KIAA1958: variants seen among roughly 807,000 people sequenced by gnomAD.
KIAA1958 encodes uncharacterized protein KIAA1958.
In KIAA1958, 14 loss-of-function variants were observed where a neutral mutation model predicts 47.2. That is an observed-to-expected ratio of 0.30 (90% CI 0.20 to 0.46). KIAA1958 has a LOEUF of 0.46. Among genes scored for constraint, KIAA1958 ranks in the 20% least tolerant of loss-of-function variants. KIAA1958 has a pLI of 1.00. For synonymous variants in KIAA1958, 354 were observed against 353.3 expected (o/e 1.00, Z -0.02); for missense variants, 803 against 909.2 (o/e 0.88, Z 1.50).
chr9:112,564,721 CT>C (rs925302231), intron 1 of KIAA1958, among the ~76,000 whole-genome samples: 3 of 152,072 alleles, frequency 2.0e-5, no homozygotes, highest in African/African-American at 7.2e-5. Context: ...TCAAAATGTA[CT>C]TACAAATTCA....
In KIAA1958 at chr9:112,645,764, A is replaced by T; in HGVS notation, c.1286A>T (p.Asn429Ile). 1.2e-6 allele frequency: 2 copies of T among 1,614,144 alleles called. No individual in the cohort carries two copies. The highest frequency in any genetic ancestry group is 1.7e-6 in the Non-Finnish European group (2 of 1,180,006). ...NTTKATRYALNVWRYWCMTNG... is the reference protein window; with the variant it reads ...NTTKATRYALIVWRYWCMTNG... ...ACCAAAGCCACGCGGTACGCCTTGAATGTGTGGCGTTATTGGTGCATGACC... is the reference window on the plus strand; with the variant it reads ...ACCAAAGCCACGCGGTACGCCTTGATTGTGTGGCGTTATTGGTGCATGACC... The change falls in exon 3 of 4, where the codon AAT becomes ATT. Residue 429 changes from asparagine to isoleucine, a missense_variant. Physicochemically the swap from Asn to Ile is moderately radical, Grantham distance 149. Transcript: ENST00000337530.
At chr9:112,503,689 T>C (rs554240635) in intron 1 of KIAA1958, among the ~76,000 whole-genome samples, 45 of 150,774 alleles carry the variant, frequency 3.0e-4, no homozygotes, top group African/African-American at 1.0e-3. Context: ...GAAAAAGAGT[T>C]GCAAGAGTTT....
intron 2 of KIAA1958, among the ~76,000 whole-genome samples, chr9:112,584,411 A>G (rs1835787694): frequency 6.6e-6 from 1 of 152,222 alleles, no homozygotes; most frequent in South Asian, 2.1e-4. Flanking sequence ...TAGATCATGA[A>G]GCATAAATAA....
intron 1 of KIAA1958, among the ~76,000 whole-genome samples, chr9:112,511,173 T>C (rs950241570): frequency 1.3e-5 from 2 of 152,128 alleles, no homozygotes; most frequent in African/African-American, 4.8e-5. Flanking sequence ...AGAGTAAATA[T>C]GGATTTGAGC....
Position 112,623,173 on chromosome 9 carries a change from C to G in KIAA1958, c.1172-22477C>G, listed in dbSNP as rs555123887. ...GCATTTCTGTACCATCCACTGTGTTCATGTAGGTGCACATATGCATCAGAG... is the reference window on the plus strand; with the variant it reads ...GCATTTCTGTACCATCCACTGTGTTGATGTAGGTGCACATATGCATCAGAG... On this transcript the variant is annotated intron_variant, in intron 2 of 3. Transcript: ENST00000337530. 2.6e-5 allele frequency among the ~76,000 whole-genome samples: 4 copies of G among 152,296 alleles called. No homozygotes were observed. In the East Asian group the frequency reaches 7.7e-4, roughly 29 times the overall value.
intron 1 of KIAA1958, among the ~76,000 whole-genome samples, chr9:112,529,481 G>A (rs1262092576): frequency 6.6e-6 from 1 of 152,126 alleles, no homozygotes. Flanking sequence ...TCTGAGCTGT[G>A]GCAGTTTTTC....
intron 2 of KIAA1958, among the ~76,000 whole-genome samples, chr9:112,626,366 C>G (rs1039550123): frequency 1.3e-5 from 2 of 152,008 alleles, no homozygotes; most frequent in Non-Finnish European, 2.9e-5. Flanking sequence ...TAAAAAGGTA[C>G]AGTGTGATTT....
chr9:112,569,340 T>C (rs904632329), intron 1 of KIAA1958, among the ~76,000 whole-genome samples: 5 of 152,230 alleles, frequency 3.3e-5, no homozygotes, highest in African/African-American at 1.2e-4. Flanking sequence ...GCAACACCAT[T>C]GCATTAAGTG....
rs1209660591 is a variant in KIAA1958, at chr9:112,618,839, C to T, written c.1172-26811C>T. On this transcript the variant is annotated intron_variant, in intron 2 of 3. Coordinates refer to ENST00000337530, the MANE Select transcript of KIAA1958 (RefSeq NM_133465.4). The surrounding 1 kb of genome is among the most constrained non-coding windows in gnomAD (Gnocchi z 7.1). ...TAACAATCTGAGCCAGCAGGCTGCC[C>T]AGTCAGTGGCCGGCCACTCCAACAA... is the stretch of plus-strand genomic sequence containing the variant. 1 of 1,550,494 alleles carries T rather than the reference C, an allele frequency of 6.4e-7. No homozygotes were observed. Among genetic ancestry groups the T allele is most frequent in the African/African-American group, 1.4e-5 (1 of 73,150 alleles).
At chr9:112,533,282 G>T (rs1262841760) in intron 1 of KIAA1958, among the ~76,000 whole-genome samples, 1 of 151,916 alleles carries the variant, frequency 6.6e-6, no homozygotes, top group Non-Finnish European at 1.5e-5. Flanking sequence ...AAGAAAAGAG[G>T]TTTGGCCAGG....
rs1837384597 is a variant in KIAA1958, at chr9:112,668,879, A to G, written c.*8810A>G. Reference sequence around the variant, plus strand: ...TAACAAAAGTCTGTTCAATTTAACTACTTAGATAAGAAGCGCAATGCTTTT... The same window carrying G: ...TAACAAAAGTCTGTTCAATTTAACTGCTTAGATAAGAAGCGCAATGCTTTT... On this transcript the variant is annotated 3_prime_UTR_variant, in exon 4 of 4. Transcript: ENST00000337530. 6.6e-6 allele frequency: 1 copy of G among 152,206 alleles called. No homozygotes were observed. Among genetic ancestry groups the G allele is most frequent in the South Asian group, 2.1e-4 (1 of 4,826 alleles). 9.4% of individuals were successfully genotyped at this position (152,206 alleles called of 1,614,324 possible).
chr9:112,630,633 C>T (rs531406883), intron 2 of KIAA1958, among the ~76,000 whole-genome samples: 5 of 152,112 alleles, frequency 3.3e-5, no homozygotes, highest in East Asian at 1.9e-4. Flanking sequence ...TTCTTTGAGC[C>T]GAATAGGAAT....
At chr9:112,629,799 A>T in intron 2 of KIAA1958, among the ~76,000 whole-genome samples, 1 of 152,230 alleles carries the variant, frequency 6.6e-6, no homozygotes, top group East Asian at 1.9e-4. Flanking sequence ...TTATGGAAAT[A>T]AGAAAAGCAA....
chr9:112,510,117 TTATAAG>T, intron 1 of KIAA1958, among the ~76,000 whole-genome samples: 1 of 151,710 alleles, frequency 6.6e-6, no homozygotes, highest in Non-Finnish European at 1.5e-5. Context: ...GTAAGATCAG[TTATAAG>T]TAAGGTAAGG....
intron 1 of KIAA1958, among the ~76,000 whole-genome samples, chr9:112,500,992 T>C (rs1192619696): frequency 1.4e-4 from 21 of 150,772 alleles, no homozygotes; most frequent in South Asian, 1.3e-3. Context: ...GCACCTGTGG[T>C]CCTGGCTACT....
At chr9:112,580,079 A>G (rs138870106) in intron 2 of KIAA1958, among the ~76,000 whole-genome samples, 100 of 152,258 alleles carry the variant, frequency 6.6e-4, no homozygotes, top group African/African-American at 2.2e-3. Flanking sequence ...CAGCATTCCC[A>G]GTCACCCCTA....
intron 1 of KIAA1958, among the ~76,000 whole-genome samples, chr9:112,570,661 G>C (rs77789400): frequency 6.6e-6 from 1 of 152,326 alleles, no homozygotes; most frequent in African/African-American, 2.4e-5. Context: ...AAGAAGGAAT[G>C]ATACTTGGCT....
intron 1 of KIAA1958, among the ~76,000 whole-genome samples, chr9:112,562,307 A>C (rs1835346447): frequency 6.6e-6 from 1 of 152,164 alleles, no homozygotes. Context: ...ATCATTTTAC[A>C]GATAAGGAAA....
rs1491386937 is a variant in KIAA1958, at chr9:112,644,193, AAC to A, written c.1172-1455_1172-1454del. On this transcript the variant is annotated intron_variant, in intron 2 of 3. Transcript: ENST00000337530. The stretch of plus-strand genomic sequence containing the variant: ...ACTCCATCTCAAAAACAAACAAACA[AAC>A]AAAAAACAAAAAACAACCATGTGAA... Among the ~76,000 whole-genome samples, 4 of 75,608 alleles carry A rather than the reference AAC, an allele frequency of 5.3e-5. No homozygotes were observed. The East Asian group carries it at 7.4e-4, about 14-fold the overall frequency. The allele number at this position is 75,608 out of a possible 152,430, so 49.6% of individuals were successfully genotyped here.
Sources: gnomAD v4.1 joint callset for allele counts (sites outside exome capture counted in the v4.1 genomes callset) on GRCh38, gnomAD v4.1.1 for gene constraint, Gnocchi (gnomAD v3.1) non-coding constraint, MANE v1.5 for transcripts, NCBI Gene and HGNC (gene_info 2026-07-23, HGNC 2026-07-21) for gene names.